Variants in NID2 observed in about 807,000 individuals in gnomAD.
NID2 encodes nidogen-2.
A neutral mutation model predicts 145.4 loss-of-function variants in NID2; 83 were observed. The observed-to-expected ratio is 0.57, with a 90% CI of 0.48 to 0.69. NID2 has a LOEUF of 0.69. Among genes scored for constraint, NID2 ranks in the 30% least tolerant of loss-of-function variants. The pLI is 0.00. For missense variants in NID2, 1,807 were observed against 1,765.7 expected (o/e 1.02, Z -0.42); for synonymous variants, 739 against 701.3 (o/e 1.05, Z -0.85).
intron 3 of NID2, among the ~76,000 whole-genome samples, chr14:52,055,753 G>T (rs529443203): frequency 2.0e-5 from 3 of 152,260 alleles, no homozygotes; most frequent in Middle Eastern, 3.4e-3. Flanking sequence ...CCAAGCAATG[G>T]AATTTCCTCA....
chr14:52,017,175 G>A (rs563621792), intron 14 of NID2, among the ~76,000 whole-genome samples: 1 of 152,282 alleles, frequency 6.6e-6, no homozygotes, highest in South Asian at 2.1e-4. Context: ...GGACCACCCT[G>A]TGCTATGTGT....
intron 15 of NID2, 127 bp downstream of exon 15, chr14:52,014,927 A>G: frequency 1.3e-6 from 1 of 766,742 alleles, no homozygotes; most frequent in South Asian, 1.7e-5. Flanking sequence ...AAATCAACAT[A>G]GCACATAGTG....
intron 19 of NID2, chr14:52,007,291 C>T (rs1231671064): frequency 6.4e-6 from 1 of 155,204 alleles, no homozygotes; most frequent in Non-Finnish European, 1.4e-5. Context: ...TATTAGATTA[C>T]AAATTCAAGA....
At chr14:52,049,865 A>C (rs764441772) in intron 5 of NID2, among the ~76,000 whole-genome samples, 66 of 152,068 alleles carry the variant, frequency 4.3e-4, no homozygotes, top group South Asian at 2.1e-4. Context: ...CTCCTCATAT[A>C]GGTGTCTTCA....
intron 18 of NID2, chr14:52,008,979 GAAAC>G (rs991695250): frequency 5.3e-5 from 8 of 152,190 alleles, no homozygotes; most frequent in African/African-American, 1.9e-4. Flanking sequence ...AGGTTATAAG[GAAAC>G]AAACAGGTTT....
At chr14:52,045,686 G>A (rs963248191) in intron 5 of NID2, among the ~76,000 whole-genome samples, 7 of 152,288 alleles carry the variant, frequency 4.6e-5, no homozygotes, top group South Asian at 2.1e-4. Flanking sequence ...TAACTTGGAT[G>A]TGTCAAAATC....
chr14:52,042,217 G>A lies in NID2; in HGVS notation c.1713C>T (p.His571=). Residue 571 remains histidine, a synonymous_variant, in exon 7 of 22, where the codon CAC becomes CAT. Coordinates refer to ENST00000216286, the MANE Select transcript of NID2 (RefSeq NM_007361.4). ...GGGCCTGGGCTGCTGGCTGTGGGAT[G>A]TGGCTGATGGCCGTGTAGGCTCTGC... ...NDGRAYTAIS[H]IPQPAAQALL... 1 of 1,614,250 alleles carries A rather than the reference G, an allele frequency of 6.2e-7. No individual in the cohort carries two copies. The highest frequency in any genetic ancestry group is 8.5e-7 in the Non-Finnish European group (1 of 1,180,052).
intron 12 of NID2, among the ~76,000 whole-genome samples, chr14:52,026,698 A>G (rs1891597948): frequency 6.6e-6 from 1 of 152,256 alleles, no homozygotes; most frequent in Non-Finnish European, 1.5e-5. Context: ...TTTATAAAAT[A>G]CTGCATTAAG....
intron 8 of NID2, 138 bp from the exon 9 acceptor site, chr14:52,039,115 T>C (rs1892184395): frequency 3.0e-6 from 2 of 670,884 alleles, no homozygotes; most frequent in African/African-American, 3.6e-5. Flanking sequence ...TATGAAAAAA[T>C]GTGTAAGGAA....
intron 3 of NID2, among the ~76,000 whole-genome samples, chr14:52,059,172 A>G (rs1282053667): frequency 1.3e-5 from 2 of 152,214 alleles, no homozygotes; most frequent in African/African-American, 4.8e-5. Context: ...TAATTAAGAT[A>G]ACATCTGGAA....
chr14:52,030,040 T>C (rs770308006), intron 9 of NID2, among the ~76,000 whole-genome samples: 1 of 152,186 alleles, frequency 6.6e-6, no homozygotes. Context: ...TTCCCCATTA[T>C]GTGTAATTTT....
rs371631203 is a variant in NID2 at position 52,042,939 on chromosome 14, A to G, written c.1430-8T>C. ...CAGCATTATACGTGAAGACTGAAAA[A>G]TAAAACAAACTTGCCTTAAAAGGAC... On this transcript the variant is annotated splice_region_variant and splice_polypyrimidine_tract_variant and intron_variant, in intron 5 of 21. Coordinates refer to ENST00000216286, the MANE Select transcript of NID2 (RefSeq NM_007361.4). The G allele has an allele frequency of 1.2e-5, 19 of 1,614,030 alleles. No individual in the cohort carries two copies. The African/African-American group carries it at 1.7e-4, about 15-fold the overall frequency.
chr14:52,038,837 G>T lies in NID2; in HGVS notation c.2167C>A (p.Gln723Lys). ...PRHPSFPTTQ[Q>K]LNVDRVFALY... The stretch of plus-strand genomic sequence containing the variant: ...GCAAAGACCCGGTCCACGTTCAGCT[G>T]CTGGGTGGTGGGGAAGGACGGGTGT... Residue 723 changes from glutamine (Q) to lysine (K), a missense_variant, in exon 9 of 22, where the codon CAG (glutamine) becomes AAG (lysine). Transcript: ENST00000216286. The T allele has an allele frequency of 6.2e-7, 1 of 1,614,032 alleles. No homozygotes were observed. The highest frequency in any genetic ancestry group is 8.5e-7 in the Non-Finnish European group (1 of 1,179,974).
intron 7 of NID2, 120 bp downstream of exon 7, chr14:52,041,985 G>C (rs1892295668): frequency 7.9e-7 from 1 of 1,258,888 alleles, no homozygotes; most frequent in Non-Finnish European, 1.1e-6. Flanking sequence ...CACACATGTG[G>C]CTCTAGTACA....
chr14:52,011,350 C>T (rs1891011498), intron 17 of NID2, among the ~76,000 whole-genome samples: 2 of 152,164 alleles, frequency 1.3e-5, no homozygotes, highest in Admixed American at 1.3e-4. Flanking sequence ...AAGAAGTGCG[C>T]ACAGTAGGAA....
rs769304096 is a variant in NID2 at position 52,053,882 on chromosome 14, C to T, written c.1126G>A (p.Gly376Ser). 5 of 1,613,936 alleles carry T rather than the reference C, an allele frequency of 3.1e-6. No homozygotes were observed. The highest frequency in any genetic ancestry group is 1.1e-5 in the South Asian group (1 of 91,066). Residue 376 changes from glycine (G) to serine (S), a missense_variant, in exon 5 of 22, where the codon GGC becomes AGC. Transcript: ENST00000216286. ...TCAACTTGGCCTTTTAAATCTGGGC[C>T]CCCTACCTCTCCCAGAGATGTTCCT... ...KEGTSLGEVG[G>S]PDLKGQVEPW...
At chr14:52,011,769 C>T in intron 16 of NID2, 86 bp from the exon 17 acceptor site, 1 of 1,463,628 alleles carries the variant, frequency 6.8e-7, no homozygotes, top group South Asian at 1.2e-5. Context: ...TGCACAGCTG[C>T]AGTGAGCAAC....
At chr14:52,015,032 G>A (rs775654974) in intron 15 of NID2, 22 bp downstream of exon 15, 1 of 1,591,684 alleles carries the variant, frequency 6.3e-7, no homozygotes, top group Non-Finnish European at 8.6e-7. Flanking sequence ...GCTGAGGGGA[G>A]CGGGGGCGGC....
intron 20 of NID2, 191 bp downstream of exon 20, chr14:52,006,346 A>C (rs1890781702): frequency 1.2e-5 from 7 of 591,666 alleles, no homozygotes; most frequent in Non-Finnish European, 1.2e-5. Context: ...GTGAAGTAAA[A>C]GGATGATTTC....
Sources: gnomAD v4.1 joint callset for allele counts (sites outside exome capture counted in the v4.1 genomes callset) on GRCh38, gnomAD v4.1.1 for gene constraint, MANE v1.5 for transcripts, NCBI Gene and HGNC (gene_info 2026-07-23, HGNC 2026-07-21) for gene names.